ARHGAP32: variants seen among roughly 807,000 people sequenced by gnomAD.
The protein encoded by ARHGAP32 is Rho GTPase activating protein 32.
In ARHGAP32, 51 loss-of-function variants were observed where a neutral mutation model predicts 186.5. The observed-to-expected ratio is 0.27, with a 90% CI of 0.22 to 0.35. ARHGAP32 has a LOEUF of 0.35. Among genes scored for constraint, ARHGAP32 ranks in the 10% least tolerant of loss-of-function variants. The probability of loss-of-function intolerance (pLI) is 1.00; values close to 1 mark genes in which losing one functional copy is unlikely to be tolerated. For missense variants in ARHGAP32, 2,186 were observed against 2,623.5 expected, an observed-to-expected ratio of 0.83 and a Z score of 3.64; for synonymous variants, 950 against 964.3, an observed-to-expected ratio of 0.99 and a Z score of 0.27.
chr11:129,060,732 G>A (rs1940466091), intron 10 of ARHGAP32, among the ~76,000 whole-genome samples: 1 of 151,870 alleles, frequency 6.6e-6, no homozygotes, highest in Non-Finnish European at 1.5e-5. Context: ...TTTCATAATA[G>A]GGAAAGGGAT....
chr11:128,970,529 G>C lies in ARHGAP32; in HGVS notation c.4684C>G (p.His1562Asp). ...TCGACCCGGCTGCATGGCTTGGAGT[G>C]GTGTCCAGATGCGTTTCTTCCTGGG... ...VAPGRNASGH[H>D]SKPCSRVEYV... Residue 1562 changes from histidine to aspartate, a missense_variant, in exon 23 of 23, where the codon CAC (histidine) becomes GAC (aspartate). His to Asp is a moderately conservative substitution (Grantham distance 81). This residue lies in a region of ARHGAP32 where 1,502 missense variants were observed against 1,570.0 expected (regional missense o/e 0.96). Transcript: ENST00000682385. This position sits in a 1 kb window ranked among gnomAD's most constrained non-coding sequence, Gnocchi z 5.8. 1 of 1,614,154 alleles carries C rather than the reference G, an allele frequency of 6.2e-7. No homozygotes were observed. Among genetic ancestry groups the C allele is most frequent in the Non-Finnish European group, 8.5e-7 (1 of 1,180,022 alleles).
rs565357166 is a variant in ARHGAP32, at chr11:129,060,690, T to C, written c.963+1590A>G. Among the ~76,000 whole-genome samples the C allele has an allele frequency of 1.3e-3, 194 of 152,244 alleles. 3 individuals are homozygous for C. Among genetic ancestry groups the C allele is most frequent in the African/African-American group, 4.4e-3 (183 of 41,562 alleles). On this transcript the variant is annotated intron_variant, in intron 10 of 22. Transcript: ENST00000682385. ...GGGTAATGTGATAGGGTTTTTCTGG[T>C]CTTAACAACCAAATTAAATTACTAT...
chr11:129,134,136 T>A (rs984753241), intron 2 of ARHGAP32, among the ~76,000 whole-genome samples: 2 of 151,796 alleles, frequency 1.3e-5, no homozygotes, highest in Non-Finnish European at 2.9e-5. Flanking sequence ...ATCCCAAGAC[T>A]GTAGGGGAGA....
At chr11:129,148,786 C>T (rs190273643) in intron 2 of ARHGAP32, among the ~76,000 whole-genome samples, 3 of 152,254 alleles carry the variant, frequency 2.0e-5, no homozygotes, top group African/African-American at 7.2e-5. Context: ...CCAGCCTCAC[C>T]AACTATGAGG....
chr11:129,041,082 T>C, intron 10 of ARHGAP32, 73 bp from the exon 11 acceptor site: 2 of 974,812 alleles, frequency 2.1e-6, no homozygotes, highest in South Asian at 2.9e-5. Flanking sequence ...CCAACTGAAT[T>C]CCAGTAATGT....
chr11:129,181,052 C>G (rs1438829149), intron 1 of ARHGAP32, among the ~76,000 whole-genome samples: 2 of 152,154 alleles, frequency 1.3e-5, no homozygotes, highest in East Asian at 3.9e-4. Context: ...TACCCAGGAA[C>G]TGCACCTCAG....
chr11:128,973,310 G>C lies in ARHGAP32; in HGVS notation c.3196C>G (p.Gln1066Glu), dbSNP rs1945446200. ...MLALALAESA[Q>E]QASTQSLKRP... ...TTCAATGACTGAGTTGAGGCTTGCT[G>C]TGCGGACTCAGCTAATGCTAGCGCC... The change falls in exon 22 of 23, where the codon CAG (glutamine) becomes GAG (glutamate). Residue 1066 changes from glutamine (Q) to glutamate (E), a missense_variant. Transcript: ENST00000682385. 2 of 1,614,084 alleles carry C rather than the reference G, an allele frequency of 1.2e-6. No homozygotes were observed. The highest frequency in any genetic ancestry group is 1.7e-6 in the Non-Finnish European group (2 of 1,180,042).
At chr11:129,049,339 C>G (rs534787009) in intron 10 of ARHGAP32, among the ~76,000 whole-genome samples, 7 of 152,264 alleles carry the variant, frequency 4.6e-5, no homozygotes, top group African/African-American at 1.7e-4. Flanking sequence ...GATGCATGAA[C>G]AACATGAAGT....
At chr11:129,214,698 G>C (rs1944623462) in intron 1 of ARHGAP32, among the ~76,000 whole-genome samples, 1 of 152,286 alleles carries the variant, frequency 6.6e-6, no homozygotes, top group East Asian at 1.9e-4. Context: ...TGATACATGA[G>C]GGAACAATGT....
At chr11:129,256,100 A>G (rs996367037) in intron 1 of ARHGAP32, among the ~76,000 whole-genome samples, 2 of 152,106 alleles carry the variant, frequency 1.3e-5, no homozygotes, top group African/African-American at 4.8e-5. Context: ...TGTTCTGCGC[A>G]ATTCCAGCAT....
At chr11:129,149,258 T>C (rs942080472) in intron 2 of ARHGAP32, among the ~76,000 whole-genome samples, 1 of 152,340 alleles carries the variant, frequency 6.6e-6, no homozygotes, top group East Asian at 1.9e-4. Context: ...CTAATTCCAC[T>C]GCCCACAACA....
chr11:129,107,690 G>A (rs1942086707), intron 5 of ARHGAP32, among the ~76,000 whole-genome samples: 1 of 152,142 alleles, frequency 6.6e-6, no homozygotes, highest in African/African-American at 2.4e-5. Flanking sequence ...CCAACATGGA[G>A]AAACCCCGTC....
At chr11:129,121,801 T>G (rs560715304) in intron 5 of ARHGAP32, among the ~76,000 whole-genome samples, 128 of 152,158 alleles carry the variant, frequency 8.4e-4, no homozygotes, top group Non-Finnish European at 1.5e-3. Flanking sequence ...CTACCAAATG[T>G]GTTCTCCCAT....
chr11:129,178,616 C>A (rs1352168260), intron 1 of ARHGAP32, among the ~76,000 whole-genome samples: 1 of 151,902 alleles, frequency 6.6e-6, no homozygotes, highest in Non-Finnish European at 1.5e-5. Context: ...TGGAACAGAA[C>A]AGAGCCCTCA....
intron 1 of ARHGAP32, among the ~76,000 whole-genome samples, chr11:129,207,398 CTGT>C: frequency 6.6e-6 from 1 of 152,296 alleles, no homozygotes; most frequent in East Asian, 1.9e-4. Context: ...TCTCCAGCAT[CTGT>C]TGTTTCCTGA....
At chr11:129,229,678 C>T (rs1000669723) in intron 1 of ARHGAP32, among the ~76,000 whole-genome samples, 8 of 152,086 alleles carry the variant, frequency 5.3e-5, no homozygotes, top group Non-Finnish European at 7.4e-5. Context: ...AGGAAAACCA[C>T]GATATATCTG....
chr11:129,110,376 T>A (rs1012477352), intron 5 of ARHGAP32, among the ~76,000 whole-genome samples: 1 of 152,216 alleles, frequency 6.6e-6, no homozygotes, highest in African/African-American at 2.4e-5. Context: ...GGTAGTGTGA[T>A]GTCTCCAGCA....
At chr11:129,061,786 C>A (rs1193596682) in intron 10 of ARHGAP32, among the ~76,000 whole-genome samples, 5 of 152,000 alleles carry the variant, frequency 3.3e-5, no homozygotes, top group Non-Finnish European at 1.5e-5. Context: ...CCTCAGGTAA[C>A]TGAAACCATG....
intron 1 of ARHGAP32, among the ~76,000 whole-genome samples, chr11:129,227,682 T>A (rs1944804631): frequency 6.6e-6 from 1 of 152,072 alleles, no homozygotes; most frequent in Non-Finnish European, 1.5e-5. Context: ...AGACAAGGGA[T>A]ACTTTAGAAT....
Sources: allele counts gnomAD v4.1 joint callset (sites outside exome capture counted in the v4.1 genomes callset), GRCh38; gene constraint gnomAD v4.1.1; regional missense constraint gnomAD v4.1.1; non-coding constraint Gnocchi (gnomAD v3.1); transcripts MANE v1.5; gene names NCBI Gene and HGNC (gene_info 2026-07-23, HGNC 2026-07-21).